SOX5: variants seen among roughly 807,000 people sequenced by gnomAD.
SOX5 encodes SRY-box transcription factor 5, also known as transcription factor SOX-5.
Under a neutral mutation model 92.0 loss-of-function variants are expected in SOX5, and 9 were observed. That is an observed-to-expected ratio of 0.10 (90% CI 0.06 to 0.17). The LOEUF (loss-of-function observed/expected upper bound fraction) is 0.17. SOX5 is among the 10% of genes least tolerant of loss of function. The pLI, the probability that SOX5 is intolerant of heterozygous loss-of-function variation, is 1.00. For synonymous variants in SOX5, 344 were observed against 336.3 expected, an observed-to-expected ratio of 1.02 and a Z score of -0.25; for missense variants, 642 against 944.5, an observed-to-expected ratio of 0.68 and a Z score of 4.20.
chr12:24,145,246 AT>A (rs936993081), intron 4 of SOX5, among the ~76,000 whole-genome samples: 41 of 151,784 alleles, frequency 2.7e-4, no homozygotes, highest in African/African-American at 9.3e-4. Flanking sequence ...TTATAAAAAA[AT>A]TAAATTAATT....
At chr12:23,573,358 C>T (rs1263062781) in intron 10 of SOX5, among the ~76,000 whole-genome samples, 1 of 152,178 alleles carries the variant, frequency 6.6e-6, no homozygotes, top group Non-Finnish European at 1.5e-5. Flanking sequence ...TTCATTAAAA[C>T]TTCTCTGTCA....
intron 1 of SOX5, among the ~76,000 whole-genome samples, chr12:24,543,872 T>C (rs1952369059): frequency 6.6e-6 from 1 of 152,204 alleles, no homozygotes; most frequent in Non-Finnish European, 1.5e-5. Context: ...ATTTTAAAGA[T>C]AGCACACTAG....
chr12:24,143,469 AG>A (rs1340250354), intron 4 of SOX5, among the ~76,000 whole-genome samples: 1 of 152,296 alleles, frequency 6.6e-6, no homozygotes, highest in East Asian at 1.9e-4. Context: ...CTTAAGGAAA[AG>A]ATGGAAAATA....
At chr12:23,552,481 C>T (rs368791608) in intron 11 of SOX5, among the ~76,000 whole-genome samples, 2 of 151,136 alleles carry the variant, frequency 1.3e-5, no homozygotes, top group South Asian at 2.1e-4. Flanking sequence ...TACACAGGAT[C>T]CTGAAAAAAA....
chr12:24,167,094 T>C (rs771015318), intron 4 of SOX5, among the ~76,000 whole-genome samples: 8 of 152,232 alleles, frequency 5.3e-5, no homozygotes, highest in Non-Finnish European at 1.0e-4. Flanking sequence ...TTTTCTTTCT[T>C]TCTAAACCAA....
At chr12:23,696,575 C>T (rs1314913482) in intron 6 of SOX5, among the ~76,000 whole-genome samples, 2 of 152,038 alleles carry the variant, frequency 1.3e-5, no homozygotes, top group Non-Finnish European at 2.9e-5. Context: ...TTTCAATACA[C>T]TTTTTTCTCT....
chr12:23,972,776 A>G (rs1332105083), intron 4 of SOX5, among the ~76,000 whole-genome samples: 1 of 152,192 alleles, frequency 6.6e-6, no homozygotes, highest in Non-Finnish European at 1.5e-5. Flanking sequence ...AAATAAAGCT[A>G]ATTAACATGT....
intron 2 of SOX5, among the ~76,000 whole-genome samples, chr12:23,856,165 C>A (rs1196363632): frequency 6.6e-6 from 1 of 152,042 alleles, no homozygotes; most frequent in Non-Finnish European, 1.5e-5. Flanking sequence ...TTTAGCGGGC[C>A]CATAAGGACC....
At chr12:23,762,260 C>G (rs1040246569) in intron 3 of SOX5, among the ~76,000 whole-genome samples, 15 of 152,000 alleles carry the variant, frequency 9.9e-5, no homozygotes, top group African/African-American at 3.6e-4. Flanking sequence ...ATAACCTGGG[C>G]ACAGTGGTGG....
chr12:24,405,658 A>C lies in SOX5; in HGVS notation c.-250-37019T>G, dbSNP rs545707002. The stretch of plus-strand genomic sequence containing the variant: ...GCTAGTTTCATCCTATTCCCCTGCC[A>C]CCCTGATCCCAGGCCCCACTGCCTC... On this transcript the variant is annotated intron_variant, in intron 1 of 4. Coordinates refer to the SOX5 transcript ENST00000446891. Among the ~76,000 whole-genome samples, 226 of 152,224 alleles carry C rather than the reference A, an allele frequency of 1.5e-3. 1 individual carries two copies. The highest frequency in any genetic ancestry group is 5.2e-3 in the African/African-American group (215 of 41,542).
chr12:24,060,568 T>A (rs1939474021), intron 4 of SOX5, among the ~76,000 whole-genome samples: 1 of 152,206 alleles, frequency 6.6e-6, no homozygotes, highest in Non-Finnish European at 1.5e-5. Context: ...GCATGTCTCC[T>A]GGTAAAAGAC....
chr12:23,554,081 G>C (rs2136199297), intron 11 of SOX5, among the ~76,000 whole-genome samples: 1 of 152,146 alleles, frequency 6.6e-6, no homozygotes, highest in Middle Eastern at 3.4e-3. Flanking sequence ...TTTAAATACA[G>C]AGAGAGAAAA....
upstream of SOX5, among the ~76,000 whole-genome samples, chr12:23,952,238 A>C (rs1945753892): frequency 6.6e-6 from 1 of 152,108 alleles, no homozygotes; most frequent in Admixed American, 6.6e-5. Flanking sequence ...CAGAGAGAGC[A>C]CAAGGAGACA....
chr12:24,220,566 T>C lies in SOX5; in HGVS notation c.-76-7149A>G, dbSNP rs555064539. On this transcript the variant is annotated intron_variant, in intron 3 of 4. Coordinates refer to the SOX5 transcript ENST00000446891. ...AGTGACAAAACATACATAGGTTATATGTTATTATTTAAACGGGGCAAAAAA... is the reference window on the plus strand; with the variant it reads ...AGTGACAAAACATACATAGGTTATACGTTATTATTTAAACGGGGCAAAAAA... Among the ~76,000 whole-genome samples, 11 of 152,300 alleles carry C rather than the reference T, an allele frequency of 7.2e-5. 1 individual carries two copies. The highest frequency in any genetic ancestry group is 2.6e-4 in the African/African-American group (11 of 41,564).
intron 3 of SOX5, among the ~76,000 whole-genome samples, chr12:23,759,026 C>CAG (rs58855751): frequency 3.7e-3 from 267 of 71,476 alleles, no homozygotes; most frequent in Middle Eastern, 0.011. Flanking sequence ...CACACACACA[C>CAG]ACAGACACAC....
chr12:24,047,462 T>G (rs555502783), intron 4 of SOX5, among the ~76,000 whole-genome samples: 1 of 152,338 alleles, frequency 6.6e-6, no homozygotes, highest in South Asian at 2.1e-4. Flanking sequence ...TTACTAATGA[T>G]CTTTCAACAC....
intron 3 of SOX5, among the ~76,000 whole-genome samples, chr12:24,225,588 A>T: frequency 6.6e-6 from 1 of 152,190 alleles, no homozygotes; most frequent in East Asian, 1.9e-4. Flanking sequence ...CACATGCTAC[A>T]CACTCAGGAG....
At chr12:23,978,885 G>C (rs1013710977) in intron 4 of SOX5, among the ~76,000 whole-genome samples, 5 of 152,066 alleles carry the variant, frequency 3.3e-5, no homozygotes, top group Admixed American at 2.6e-4. Context: ...TAGGAATCTT[G>C]CACTATCTAT....
intron 2 of SOX5, among the ~76,000 whole-genome samples, chr12:24,358,634 T>C (rs1221316922): frequency 6.6e-6 from 1 of 152,012 alleles, no homozygotes; most frequent in East Asian, 1.9e-4. Flanking sequence ...AATTGTCCTT[T>C]CACTGTCTTC....
Sources: gnomAD v4.1 joint callset for allele counts (sites outside exome capture counted in the v4.1 genomes callset) on GRCh38, gnomAD v4.1.1 for gene constraint, MANE v1.5 for transcripts, NCBI Gene and HGNC (gene_info 2026-07-23, HGNC 2026-07-21) for gene names.